CEP128: variants seen among roughly 807,000 people sequenced by gnomAD.
CEP128 encodes centrosomal protein 128kDa.
A neutral mutation model predicts 156.7 loss-of-function variants in CEP128; 132 were observed. That is an observed-to-expected ratio of 0.84 (90% CI 0.73 to 0.97). The LOEUF (loss-of-function observed/expected upper bound fraction) is 0.97. CEP128 is among the 50% of genes least tolerant of loss of function. CEP128 has a pLI of 0.00. For synonymous variants in CEP128, 469 were observed against 448.9 expected (o/e 1.04, Z -0.57); for missense variants, 1,252 against 1,281.9 (o/e 0.98, Z 0.36).
chr14:80,842,089 T>A (rs1475556708), intron 9 of CEP128, among the ~76,000 whole-genome samples: 3 of 152,062 alleles, frequency 2.0e-5, no homozygotes, highest in Non-Finnish European at 1.5e-5. Flanking sequence ...CCTTAGAACA[T>A]CTGATAAGTT....
At chr14:80,894,627 A>C (rs188595437) in intron 8 of CEP128, 2 of 477,214 alleles carry the variant, frequency 4.2e-6, no homozygotes, top group African/African-American at 2.0e-5. Flanking sequence ...TGTCTACTTC[A>C]GCAGAAGACA....
rs376999924 is a variant in CEP128 at position 80,764,666 on chromosome 14, C to T, written c.2377-3053G>A. Among the ~76,000 whole-genome samples, 6 of 152,330 alleles carry T rather than the reference C, an allele frequency of 3.9e-5. No homozygotes were observed. In the East Asian group the frequency reaches 9.6e-4, roughly 24 times the overall value. ...CAGTAAATTCAACTACTTGCTCCTT[C>T]AGGATTCCCTTATTTGGCATTTTTG... On this transcript the variant is annotated intron_variant, in intron 16 of 24. Coordinates refer to ENST00000555265, the MANE Select transcript of CEP128 (RefSeq NM_152446.5).
intron 13 of CEP128, among the ~76,000 whole-genome samples, chr14:80,804,495 C>A (rs1884059648): frequency 6.6e-6 from 1 of 152,096 alleles, no homozygotes; most frequent in Non-Finnish European, 1.5e-5. Context: ...ATCTATAATA[C>A]TGACCCTATG....
intron 21 of CEP128, among the ~76,000 whole-genome samples, chr14:80,531,898 C>T (rs937798683): frequency 1.3e-5 from 2 of 152,152 alleles, no homozygotes; most frequent in East Asian, 1.9e-4. Flanking sequence ...TGAACCTGAG[C>T]GTTCCCCCTT....
chr14:80,947,874 T>C (rs751370778), intron 2 of CEP128, among the ~76,000 whole-genome samples: 8 of 152,178 alleles, frequency 5.3e-5, no homozygotes, highest in Admixed American at 1.3e-4. Context: ...GTTCTGCCCA[T>C]AGGCATCAAA....
At chr14:80,707,687 C>T (rs1004255773) in intron 19 of CEP128, among the ~76,000 whole-genome samples, 2 of 152,098 alleles carry the variant, frequency 1.3e-5, no homozygotes, top group African/African-American at 4.8e-5. Flanking sequence ...TTTTACTTAA[C>T]CTTAGTAATC....
chr14:80,855,983 A>T (rs917167472), intron 9 of CEP128, among the ~76,000 whole-genome samples: 3 of 152,210 alleles, frequency 2.0e-5, no homozygotes, highest in African/African-American at 7.2e-5. Flanking sequence ...CTGGGGCCAT[A>T]ATTACATTTC....
chr14:80,548,575 T>C (rs1333659310), intron 21 of CEP128, among the ~76,000 whole-genome samples: 1 of 152,216 alleles, frequency 6.6e-6, no homozygotes, highest in Non-Finnish European at 1.5e-5. Flanking sequence ...TGTTGTATTT[T>C]ACAGAAAGAT....
At chr14:80,933,362 C>T (rs1885590098) in intron 2 of CEP128, among the ~76,000 whole-genome samples, 1 of 152,296 alleles carries the variant, frequency 6.6e-6, no homozygotes, top group Non-Finnish European at 1.5e-5. Flanking sequence ...GCAGAGAGCC[C>T]CCTCTAAGTT....
At chr14:80,672,399 A>T (rs959122201) in intron 19 of CEP128, among the ~76,000 whole-genome samples, 1 of 152,202 alleles carries the variant, frequency 6.6e-6, no homozygotes, top group African/African-American at 2.4e-5. Flanking sequence ...CAGTATATTA[A>T]AATACTAGTT....
intron 19 of CEP128, among the ~76,000 whole-genome samples, chr14:80,611,484 T>A (rs976059501): frequency 1.3e-5 from 2 of 152,080 alleles, no homozygotes; most frequent in Non-Finnish European, 1.5e-5. Flanking sequence ...ACAAATGTGT[T>A]AAAATATTGT....
chr14:80,903,306 T>G (rs1391105376), intron 6 of CEP128, among the ~76,000 whole-genome samples: 2 of 152,056 alleles, frequency 1.3e-5, no homozygotes, highest in Non-Finnish European at 2.9e-5. Flanking sequence ...ATATACATGC[T>G]AAATAATGAA....
chr14:80,804,335 T>A (rs1884050941), intron 13 of CEP128, among the ~76,000 whole-genome samples: 1 of 152,160 alleles, frequency 6.6e-6, no homozygotes, highest in African/African-American at 2.4e-5. Flanking sequence ...TGCCTAAATG[T>A]ATCAAAATCA....
chr14:80,505,835 T>C (rs943976699), intron 23 of CEP128, among the ~76,000 whole-genome samples: 1 of 152,240 alleles, frequency 6.6e-6, no homozygotes, highest in Admixed American at 6.5e-5. Context: ...TTTTTTTCCT[T>C]CTTTCACTCA....
chr14:80,889,065 A>G (rs923205763), intron 8 of CEP128, among the ~76,000 whole-genome samples: 3 of 152,144 alleles, frequency 2.0e-5, no homozygotes, highest in Non-Finnish European at 4.4e-5. Context: ...TAGGAATACA[A>G]CTTATAAGGG....
chr14:80,788,466 A>C (rs980761770), intron 14 of CEP128, among the ~76,000 whole-genome samples: 1 of 151,934 alleles, frequency 6.6e-6, no homozygotes, highest in African/African-American at 2.4e-5. Context: ...AACAAACAGA[A>C]ACGAACAAAA....
chr14:80,659,811 A>G (rs1039194725), intron 19 of CEP128, among the ~76,000 whole-genome samples: 1 of 152,122 alleles, frequency 6.6e-6, no homozygotes, highest in African/African-American at 2.4e-5. Flanking sequence ...ATGACACTCA[A>G]TTTCCAAGTC....
intron 19 of CEP128, among the ~76,000 whole-genome samples, chr14:80,673,237 G>C (rs1895913432): frequency 6.6e-6 from 1 of 151,928 alleles, no homozygotes; most frequent in Admixed American, 6.6e-5. Flanking sequence ...ACGTCTTTGC[G>C]GTATTTGTTT....
chr14:80,796,458 CA>C (rs766595128), intron 13 of CEP128, among the ~76,000 whole-genome samples: 69 of 140,394 alleles, frequency 4.9e-4, no homozygotes, highest in South Asian at 6.8e-4. Context: ...AGATTCAGTC[CA>C]AAAAAAAAAA....
Sources: gnomAD v4.1 joint callset for allele counts (sites outside exome capture counted in the v4.1 genomes callset) on GRCh38, gnomAD v4.1.1 for gene constraint, MANE v1.5 for transcripts, NCBI Gene and HGNC (gene_info 2026-07-23, HGNC 2026-07-21) for gene names.